The following POLK variants were observed in gnomAD, a reference collection of about 807,000 sequenced individuals.
POLK encodes DNA polymerase kappa, also known as polymerase (DNA directed) kappa.
In POLK, 76 loss-of-function variants were observed where a neutral mutation model predicts 94.0. The observed-to-expected ratio is 0.81, with a 90% CI of 0.67 to 0.98. The LOEUF (loss-of-function observed/expected upper bound fraction) is 0.98. POLK is among the 50% of genes least tolerant of loss of function. The pLI is 0.00. For missense variants in POLK, 954 were observed against 1,010.1 expected (o/e 0.94, Z 0.75); for synonymous variants, 349 against 325.4 (o/e 1.07, Z -0.78).
chr5:75,558,248 G>A (rs1421921647), intron 3 of POLK, among the ~76,000 whole-genome samples: 2 of 136,104 alleles, frequency 1.5e-5, no homozygotes, highest in African/African-American at 5.5e-5. Flanking sequence ...TTTTTTTTTT[G>A]GTCTGGGTAT....
At chr5:75,563,281 G>A (rs1771084487) in intron 3 of POLK, among the ~76,000 whole-genome samples, 1 of 151,708 alleles carries the variant, frequency 6.6e-6, no homozygotes, top group Non-Finnish European at 1.5e-5. Flanking sequence ...TCTGGTCCTG[G>A]ACTTTTTTTT....
chr5:75,595,248 G>GAAAAAAAA lies in POLK; in HGVS notation c.1529-956_1529-949dup, dbSNP rs58783164. Among the ~76,000 whole-genome samples, 24 of 24,878 alleles carry GAAAAAAAA rather than the reference G, an allele frequency of 9.6e-4. 5 individuals are homozygous for GAAAAAAAA. Among genetic ancestry groups the GAAAAAAAA allele is most frequent in the African/African-American group, 2.0e-3 (18 of 9,166 alleles). 16.3% of individuals were successfully genotyped at this position (24,878 alleles called of 152,430 possible). ...GCAACAAGAGTGAAACTCCACCTCA[G>GAAAAAAAA]AAAAAAAAAAAAAAAAAAAAAAAAA... On this transcript the variant is annotated intron_variant, in intron 12 of 14. Transcript: ENST00000241436.
In POLK at chr5:75,596,769, TAAAG is replaced by T. The variant is rs764163487; in HGVS notation, c.2080_2083del (p.Glu694TyrfsTer4). On this transcript the variant is annotated frameshift_variant, in exon 13 of 15. Coordinates refer to ENST00000241436, the Ensembl canonical transcript of POLK. LOFTEE classifies it high-confidence loss of function. ...AAGATTATGAAGCCCATCCAAAAAT[TAAAG>T]AAATATCTTCAGTAGATTGTATAGC... The T allele has an allele frequency of 3.1e-6, 5 of 1,612,210 alleles. No homozygotes were observed. The highest frequency in any genetic ancestry group is 3.3e-5 in the Admixed American group (2 of 59,728).
chr5:75,588,497 CCTTT>C (rs1261613471), intron 10 of POLK, among the ~76,000 whole-genome samples: 1 of 152,184 alleles, frequency 6.6e-6, no homozygotes, highest in African/African-American at 2.4e-5. Flanking sequence ...CTCTCAGATA[CCTTT>C]CTTTCACTAG....
At chr5:75,559,634 T>G (rs1245914165) in intron 3 of POLK, among the ~76,000 whole-genome samples, 1 of 144,800 alleles carries the variant, frequency 6.9e-6, no homozygotes, top group African/African-American at 2.6e-5. Context: ...ACTACTGGGC[T>G]CAAACAGTCC....
chr5:75,573,975 C>A, intron 5 of POLK, 106 bp downstream of exon 5: 1 of 1,075,096 alleles, frequency 9.3e-7, no homozygotes. Context: ...TTAGCTTATC[C>A]TTTCAGTTGA....
At chr5:75,577,483 C>T (rs1168365335) in intron 6 of POLK, among the ~76,000 whole-genome samples, 1 of 151,828 alleles carries the variant, frequency 6.6e-6, no homozygotes, top group Non-Finnish European at 1.5e-5. Flanking sequence ...AAAAATAATC[C>T]CTTTATGACC....
chr5:75,516,184 CTT>C (rs554413345), intron 1 of POLK, among the ~76,000 whole-genome samples: 74 of 152,278 alleles, frequency 4.9e-4, no homozygotes, highest in African/African-American at 1.7e-3. Flanking sequence ...TGTCCCTTCA[CTT>C]TGTTGATTGT....
chr5:75,541,149 G>T (rs1166217757), intron 1 of POLK, among the ~76,000 whole-genome samples: 4 of 152,016 alleles, frequency 2.6e-5, no homozygotes, highest in East Asian at 3.9e-4. Context: ...CAGGCGTGGT[G>T]GTGCATGCCT....
At chr5:75,607,177 G>A in the POLK span, among the ~76,000 whole-genome samples, 1 of 152,086 alleles carries the variant, frequency 6.6e-6, no homozygotes, top group African/African-American at 2.4e-5. Flanking sequence ...GATATAAAAG[G>A]AAGTACTGGC....
At chr5:75,594,346 C>T (rs1273033149) in intron 12 of POLK, among the ~76,000 whole-genome samples, 1 of 152,200 alleles carries the variant, frequency 6.6e-6, no homozygotes, top group African/African-American at 2.4e-5. Flanking sequence ...GTATTCTCGC[C>T]TTCATTTTAT....
chr5:75,567,350 C>T (rs1392769178), intron 3 of POLK, among the ~76,000 whole-genome samples: 4 of 152,010 alleles, frequency 2.6e-5, no homozygotes, highest in Non-Finnish European at 5.9e-5. Flanking sequence ...TGTTAATCTC[C>T]ATAATTTGTT....
intron 2 of POLK, among the ~76,000 whole-genome samples, chr5:75,548,986 A>G (rs1770195233): frequency 6.6e-6 from 1 of 152,158 alleles, no homozygotes; most frequent in Admixed American, 6.5e-5. Flanking sequence ...GCATACCGAA[A>G]TCTTCTGTGG....
intron 1 of POLK, among the ~76,000 whole-genome samples, chr5:75,528,241 T>C (rs1448068517): frequency 6.6e-6 from 1 of 152,134 alleles, no homozygotes; most frequent in East Asian, 1.9e-4. Flanking sequence ...TATAGTTCCA[T>C]AATTATTTAA....
At chr5:75,597,239 T>G (rs1773141354) in intron 13 of POLK, 61 bp downstream of exon 13, 2 of 858,818 alleles carry the variant, frequency 2.3e-6, no homozygotes, top group Non-Finnish European at 3.7e-6. Context: ...TTAAAATTAA[T>G]GAGATTGTTG....
At chr5:75,564,933 C>A (rs994850429) in intron 3 of POLK, among the ~76,000 whole-genome samples, 1 of 152,148 alleles carries the variant, frequency 6.6e-6, no homozygotes, top group African/African-American at 2.4e-5. Context: ...GCGTTTCTTG[C>A]TAGGTTGGGG....
At chr5:75,576,000 T>C (rs1455314848) in intron 5 of POLK, among the ~76,000 whole-genome samples, 1 of 152,116 alleles carries the variant, frequency 6.6e-6, no homozygotes, top group Non-Finnish European at 1.5e-5. Flanking sequence ...CCTCTAATTA[T>C]AGCTAATACT....
At chr5:75,588,938 G>A (rs905187822) in intron 10 of POLK, among the ~76,000 whole-genome samples, 3 of 152,150 alleles carry the variant, frequency 2.0e-5, no homozygotes, top group Non-Finnish European at 4.4e-5. Flanking sequence ...TGTCATGTAA[G>A]ATACTAGGTT....
chr5:75,542,626 CACATATATACACATAT>C (rs1211400007), intron 1 of POLK, among the ~76,000 whole-genome samples: 11 of 148,564 alleles, frequency 7.4e-5, no homozygotes, highest in South Asian at 2.1e-4. Context: ...CATATATATA[CACATATATACACATAT>C]ACATATATAC....
Sources: gnomAD v4.1 joint callset for allele counts (sites outside exome capture counted in the v4.1 genomes callset) on GRCh38, gnomAD v4.1.1 for gene constraint, MANE v1.5 for transcripts, NCBI Gene and HGNC (gene_info 2026-07-23, HGNC 2026-07-21) for gene names.